Variants in GRB10 observed in about 807,000 individuals in gnomAD.
The protein encoded by GRB10 is growth factor receptor-bound protein 10.
Under a neutral mutation model 80.9 loss-of-function variants are expected in GRB10, and 20 were observed. The observed-to-expected ratio is 0.25, with a 90% CI of 0.17 to 0.36. The LOEUF is 0.36. GRB10 is among the 10% of genes least tolerant of loss of function. GRB10 has a pLI of 1.00. For missense variants in GRB10, 548 were observed against 747.7 expected (o/e 0.73, Z 3.12); for synonymous variants, 291 against 291.5 (o/e 1.00, Z 0.02).
chr7:50,615,146 C>A (rs1163726069), intron 11 of GRB10, among the ~76,000 whole-genome samples: 1 of 152,160 alleles, frequency 6.6e-6, no homozygotes, highest in Non-Finnish European at 1.5e-5. Context: ...ATCAAAGCCC[C>A]ATGACCGGAT....
At chr7:50,754,995 C>T (rs2074834398) in intron 3 of GRB10, among the ~76,000 whole-genome samples, 1 of 152,204 alleles carries the variant, frequency 6.6e-6, no homozygotes, top group Non-Finnish European at 1.5e-5. Context: ...GAGAAAACAG[C>T]CATGTGCAAG....
chr7:50,641,893 G>A (rs1316942443), intron 7 of GRB10, among the ~76,000 whole-genome samples: 2 of 152,210 alleles, frequency 1.3e-5, no homozygotes, highest in Non-Finnish European at 2.9e-5. Flanking sequence ...CTGGCGCCGA[G>A]GAGGCAAGGG....
At chr7:50,690,867 C>T (rs1206792023) in intron 5 of GRB10, among the ~76,000 whole-genome samples, 1 of 152,130 alleles carries the variant, frequency 6.6e-6, no homozygotes, top group Non-Finnish European at 1.5e-5. Context: ...AAAAGAGTGG[C>T]GTGAACTGTC....
intron 6 of GRB10, among the ~76,000 whole-genome samples, chr7:50,673,590 C>T (rs996936002): frequency 3.3e-5 from 5 of 152,126 alleles, no homozygotes; most frequent in Non-Finnish European, 5.9e-5. Flanking sequence ...CCTTCTTCAT[C>T]CTCAGGCAGC....
intron 10 of GRB10, among the ~76,000 whole-genome samples, chr7:50,617,497 CAG>C (rs1425121055): frequency 6.6e-6 from 1 of 152,176 alleles, no homozygotes; most frequent in Non-Finnish European, 1.5e-5. Flanking sequence ...GAGCTGGGCA[CAG>C]AGGCCCTGGT....
chr7:50,715,309 T>C (rs969201086), intron 4 of GRB10, among the ~76,000 whole-genome samples: 3 of 151,676 alleles, frequency 2.0e-5, no homozygotes, highest in Non-Finnish European at 2.9e-5. Context: ...CGGCGGTTCA[T>C]AGTGATGCTC....
intron 4 of GRB10, among the ~76,000 whole-genome samples, chr7:50,712,715 T>C (rs1233664316): frequency 1.3e-5 from 2 of 152,242 alleles, no homozygotes; most frequent in Non-Finnish European, 2.9e-5. Flanking sequence ...AAGTAGTGCA[T>C]GAGCTGCCTC....
chr7:50,732,124 C>T (rs2069871520), intron 4 of GRB10, 148 bp downstream of exon 4: 1 of 797,244 alleles, frequency 1.3e-6, no homozygotes. Context: ...TGGGCCTCTG[C>T]ACCATGGGAC....
intron 12 of GRB10, among the ~76,000 whole-genome samples, chr7:50,613,877 G>C (rs1419636093): frequency 1.3e-5 from 2 of 152,188 alleles, no homozygotes; most frequent in Admixed American, 1.3e-4. Flanking sequence ...GTGTGTTCTC[G>C]GGATGTGGCT....
At chr7:50,730,210 C>G (rs2069430575) in intron 4 of GRB10, among the ~76,000 whole-genome samples, 2 of 152,152 alleles carry the variant, frequency 1.3e-5, no homozygotes, top group Non-Finnish European at 2.9e-5. Flanking sequence ...CCAACTGCTG[C>G]CCTCCAACAG....
In GRB10 at chr7:50,674,530, G is replaced by A. The variant is rs73697054; in HGVS notation, c.268C>T (p.Pro90Ser). Residue 90 changes from proline (P) to serine (S), a missense_variant, in exon 6 of 19, where the codon CCT becomes TCT. Physicochemically the swap from Pro to Ser is moderately conservative, Grantham distance 74. Transcript: ENST00000401949. Reference protein sequence around the residue: ...LQNGQHARSQPRASGPPRSIQ... With the variant: ...LQNGQHARSQSRASGPPRSIQ... Reference sequence around the variant, plus strand: ...GACCGAGGAGGGCCTGAAGCCCGAGGCTGGCTGCGGGCATGCTGGCCATTC... The same window carrying A: ...GACCGAGGAGGGCCTGAAGCCCGAGACTGGCTGCGGGCATGCTGGCCATTC... 33 of 1,611,114 alleles carry A rather than the reference G, an allele frequency of 2.0e-5. No individual in the cohort carries two copies. The highest frequency in any genetic ancestry group is 1.1e-4 in the East Asian group (5 of 44,874).
At chr7:50,626,451 G>A (rs1210244302) in intron 8 of GRB10, among the ~76,000 whole-genome samples, 1 of 152,196 alleles carries the variant, frequency 6.6e-6, no homozygotes, top group African/African-American at 2.4e-5. Context: ...TCCTGTGCAT[G>A]GCCAGCTCTC....
intron 7 of GRB10, among the ~76,000 whole-genome samples, chr7:50,643,986 CTT>C (rs2056742217): frequency 1.3e-5 from 2 of 152,176 alleles, no homozygotes; most frequent in South Asian, 4.1e-4. Context: ...GCTCTCCTCT[CTT>C]CACTCAGCAT....
At chr7:50,639,776 G>A (rs936268559) in intron 7 of GRB10, among the ~76,000 whole-genome samples, 2 of 152,076 alleles carry the variant, frequency 1.3e-5, no homozygotes, top group Admixed American at 6.5e-5. Flanking sequence ...AAGATTCAAA[G>A]CAGTAGCCTC....
At chr7:50,733,140 C>T (rs989423191) in intron 3 of GRB10, among the ~76,000 whole-genome samples, 12 of 152,134 alleles carry the variant, frequency 7.9e-5, no homozygotes, top group Middle Eastern at 3.4e-3. Context: ...CCAATACAAG[C>T]GGTGTTTTTG....
At chr7:50,660,126 C>G (rs368399174) in intron 7 of GRB10, among the ~76,000 whole-genome samples, 1 of 152,134 alleles carries the variant, frequency 6.6e-6, no homozygotes, top group Admixed American at 6.5e-5. Flanking sequence ...GTAGTGGTGC[C>G]GCGTTCATGC....
chr7:50,605,476 A>T, intron 14 of GRB10, 70 bp from the exon 15 acceptor site: 1 of 1,232,184 alleles, frequency 8.1e-7, no homozygotes, highest in South Asian at 1.2e-5. Flanking sequence ...GCATGAAACT[A>T]TCATCAAGAC....
chr7:50,745,003 T>C lies in GRB10; in HGVS notation c.-47+10884A>G, dbSNP rs1318027079. Among the ~76,000 whole-genome samples the C allele has an allele frequency of 3.3e-5, 5 of 152,350 alleles. No homozygotes were observed. In the East Asian group the frequency reaches 7.7e-4, roughly 24 times the overall value. Reference sequence around the variant, plus strand: ...CTTTAACTTTTTTATGATTTGTATATATTTTAGAGTAACAGCCTAGTCTTC... The same window carrying C: ...CTTTAACTTTTTTATGATTTGTATACATTTTAGAGTAACAGCCTAGTCTTC... On this transcript the variant is annotated intron_variant, in intron 3 of 18. Coordinates refer to ENST00000401949, the MANE Select transcript of GRB10 (RefSeq NM_001350814.2).
At chr7:50,641,460 GCA>G (rs1441038319) in intron 7 of GRB10, among the ~76,000 whole-genome samples, 48 of 152,174 alleles carry the variant, frequency 3.2e-4, no homozygotes, top group Non-Finnish European at 5.1e-4. Flanking sequence ...AAAAGCCCTG[GCA>G]CTAGTGTAAC....
Sources: allele counts gnomAD v4.1 joint callset (sites outside exome capture counted in the v4.1 genomes callset), GRCh38; gene constraint gnomAD v4.1.1; transcripts MANE v1.5; gene names NCBI Gene and HGNC (gene_info 2026-07-23, HGNC 2026-07-21).